FHIT: variants seen among roughly 807,000 people sequenced by gnomAD.
FHIT encodes fragile histidine triad diadenosine triphosphatase.
Under a neutral mutation model 17.9 loss-of-function variants are expected in FHIT, and 19 were observed. The observed-to-expected ratio is 1.06, with a 90% CI of 0.74 to 1.56. The LOEUF is 1.56. FHIT is among the 40% of genes most tolerant of loss of function. The pLI is 0.00. For synonymous variants in FHIT, 81 were observed against 69.7 expected (o/e 1.16, Z -0.81); for missense variants, 248 against 189.2 (o/e 1.31, Z -1.82).
At chr3:61,140,896 T>C (rs993224112) in intron 2 of FHIT, among the ~76,000 whole-genome samples, 5 of 152,216 alleles carry the variant, frequency 3.3e-5, no homozygotes, top group Non-Finnish European at 7.3e-5. Context: ...CATTCTTATC[T>C]AATGAAAGTC....
chr3:60,588,036 A>C (rs9826800), intron 4 of FHIT, among the ~76,000 whole-genome samples: 33,035 of 151,786 alleles, frequency 0.22, 3,928 homozygotes, highest in East Asian at 0.45. Flanking sequence ...GTGATTAAAA[A>C]CAAAGGTCAG....
intron 4 of FHIT, among the ~76,000 whole-genome samples, chr3:60,775,563 G>A (rs1213397540): frequency 6.6e-6 from 1 of 152,094 alleles, no homozygotes; most frequent in Non-Finnish European, 1.5e-5. Context: ...CTAAATTTTC[G>A]TGGCTGTGGG....
intron 8 of FHIT, among the ~76,000 whole-genome samples, chr3:59,857,205 G>A (rs1479284356): frequency 1.3e-5 from 2 of 152,160 alleles, no homozygotes; most frequent in East Asian, 1.9e-4. Flanking sequence ...TGACATGTGA[G>A]ATTAAATTGC....
At chr3:60,929,012 C>T (rs1707805623) in intron 3 of FHIT, among the ~76,000 whole-genome samples, 3 of 152,140 alleles carry the variant, frequency 2.0e-5, no homozygotes, top group Admixed American at 1.3e-4. Context: ...AAAAGCTTAT[C>T]CACCATGATC....
rs1284421917 is a variant in FHIT, at chr3:60,206,175, A to ATTATTATTG, written c.104-192024_104-192023insCAATAATAA. Among the ~76,000 whole-genome samples, 104 of 149,270 alleles carry ATTATTATTG rather than the reference A, an allele frequency of 7.0e-4. 1 individual carries two copies. The highest frequency in any genetic ancestry group is 2.4e-3 in the African/African-American group (98 of 40,976). ...AATAATAATAATAATAATAATAATTATAACACTTAAAAATGAGCCCAGGTA... is the reference window on the plus strand; with the variant it reads ...AATAATAATAATAATAATAATAATTATTATTATTGTAACACTTAAAAATGAGCCCAGGTA... On this transcript the variant is annotated intron_variant, in intron 5 of 9. Transcript: ENST00000492590.
chr3:60,616,521 A>G (rs13080485), intron 4 of FHIT, among the ~76,000 whole-genome samples: 55,418 of 152,032 alleles, frequency 0.36, 10,771 homozygotes, highest in Non-Finnish European at 0.42. Flanking sequence ...TACAAAGTCA[A>G]TTGTCTTCTT....
chr3:60,658,887 C>T (rs1309214937), intron 4 of FHIT, among the ~76,000 whole-genome samples: 1 of 151,644 alleles, frequency 6.6e-6, no homozygotes, highest in Non-Finnish European at 1.5e-5. Flanking sequence ...CTATTAGTGT[C>T]CTTTCATTTC....
chr3:59,871,754 A>T (rs140832380), intron 8 of FHIT, among the ~76,000 whole-genome samples: 1 of 152,224 alleles, frequency 6.6e-6, no homozygotes, highest in African/African-American at 2.4e-5. Context: ...CAATCCAGGT[A>T]GCCTAATTTC....
rs115147387 is a variant in FHIT, at chr3:60,185,740, A to G, written c.104-171588T>C. ...GTGCTATTTTACATTCTCATAAGCA[A>G]TGTATGAGAGTCCTTGTTGCTCTAC... On this transcript the variant is annotated intron_variant, in intron 5 of 9. Coordinates refer to ENST00000492590, the MANE Select transcript of FHIT (RefSeq NM_002012.4). 2.2e-3 allele frequency among the ~76,000 whole-genome samples: 335 copies of G among 152,292 alleles called. 1 individual carries two copies. Among genetic ancestry groups the G allele is most frequent in the African/African-American group, 7.5e-3 (311 of 41,578 alleles).
At chr3:60,310,427 G>C (rs1708887455) in intron 5 of FHIT, among the ~76,000 whole-genome samples, 1 of 152,158 alleles carries the variant, frequency 6.6e-6, no homozygotes, top group Non-Finnish European at 1.5e-5. Flanking sequence ...CTAAGGCCAA[G>C]TGAGAAAGAC....
intron 8 of FHIT, among the ~76,000 whole-genome samples, chr3:59,909,078 G>T (rs1254390732): frequency 1.3e-5 from 2 of 152,036 alleles, no homozygotes; most frequent in African/African-American, 4.8e-5. Flanking sequence ...CTGTCACCCA[G>T]GATGGAATGC....
intron 7 of FHIT, among the ~76,000 whole-genome samples, chr3:59,946,307 A>C (rs1283838794): frequency 6.6e-6 from 1 of 152,136 alleles, no homozygotes; most frequent in Non-Finnish European, 1.5e-5. Flanking sequence ...TGCATTCTTG[A>C]TTTGGCTCTC....
chr3:60,513,884 T>TGAGCAGAA lies in FHIT; in HGVS notation c.103+22968_103+22975dup, dbSNP rs775582530. The stretch of plus-strand genomic sequence containing the variant: ...TAAGAACCCCAAACCCCACGCTCCA[T>TGAGCAGAA]GAGCAGAAGAGCAGCAGAGCGGCAG... On this transcript the variant is annotated intron_variant, in intron 5 of 9. Transcript: ENST00000492590. Among the ~76,000 whole-genome samples the TGAGCAGAA allele has an allele frequency of 3.9e-5, 6 of 152,164 alleles. No homozygotes were observed. In the South Asian group the frequency reaches 8.3e-4, roughly 21 times the overall value.
At chr3:61,026,431 G>A (rs555470957) in intron 3 of FHIT, among the ~76,000 whole-genome samples, 1 of 152,296 alleles carries the variant, frequency 6.6e-6, no homozygotes, top group Non-Finnish European at 1.5e-5. Context: ...GATAATGCAT[G>A]TAAAGCTGTT....
intron 7 of FHIT, among the ~76,000 whole-genome samples, chr3:59,974,510 C>T (rs1025081393): frequency 1.3e-5 from 2 of 152,152 alleles, no homozygotes; most frequent in Non-Finnish European, 2.9e-5. Context: ...GAGAAACAAA[C>T]ACAGACTTTA....
At chr3:60,077,596 G>T (rs1209489131) in intron 5 of FHIT, 2 of 151,238 alleles carry the variant, frequency 1.3e-5, no homozygotes, top group Admixed American at 1.3e-4. Context: ...AGAATGAAGG[G>T]ATTCCCCTGG....
chr3:60,804,845 C>T lies in FHIT; in HGVS notation c.-18+17074G>A, dbSNP rs188089838. Among the ~76,000 whole-genome samples, 14 of 152,324 alleles carry T rather than the reference C, an allele frequency of 9.2e-5. 1 individual carries two copies. The highest frequency in any genetic ancestry group is 2.6e-4 in the Admixed American group (4 of 15,304). On this transcript the variant is annotated intron_variant, in intron 4 of 9. Coordinates refer to ENST00000492590, the MANE Select transcript of FHIT (RefSeq NM_002012.4). Reference sequence around the variant, plus strand: ...AACCATTCTTCAATGCCACCTCCTCCGAGGAGACTTCTCTGCCATCCCAGC... The same window carrying T: ...AACCATTCTTCAATGCCACCTCCTCTGAGGAGACTTCTCTGCCATCCCAGC...
chr3:60,228,602 A>G (rs1315761152), intron 5 of FHIT, among the ~76,000 whole-genome samples: 1 of 152,222 alleles, frequency 6.6e-6, no homozygotes, highest in African/African-American at 2.4e-5. Context: ...CTAAGTTTCT[A>G]CATGTATAAA....
chr3:60,910,455 AGGCTGGAGTGCAGT>A (rs1279828459), intron 3 of FHIT, among the ~76,000 whole-genome samples: 1 of 140,254 alleles, frequency 7.1e-6, no homozygotes, highest in Admixed American at 7.7e-5. Flanking sequence ...TTTGTCGCCT[AGGCTGGAGTGCAGT>A]GGCGCAATCT....
Sources: allele counts gnomAD v4.1 joint callset (sites outside exome capture counted in the v4.1 genomes callset), GRCh38; gene constraint gnomAD v4.1.1; transcripts MANE v1.5; gene names NCBI Gene and HGNC (gene_info 2026-07-23, HGNC 2026-07-21).